SLC9A8: variants seen among roughly 807,000 people sequenced by gnomAD.
SLC9A8 encodes the protein solute carrier family 9 member A8.
In SLC9A8, 48 loss-of-function variants were observed where a neutral mutation model predicts 66.6. The ratio of observed to expected loss-of-function variants is 0.72; its 90% CI spans 0.57 to 0.92. The LOEUF (loss-of-function observed/expected upper bound fraction) is 0.92, where lower values mean the gene tolerates loss of function less well. SLC9A8 is among the 40% of genes least tolerant of loss of function. The pLI is 0.00. For missense variants in SLC9A8, 599 were observed against 747.3 expected, an observed-to-expected ratio of 0.80 and a Z score of 2.31; for synonymous variants, 274 against 282.6, an observed-to-expected ratio of 0.97 and a Z score of 0.31.
chr20:49,849,466 G>T, intron 5 of SLC9A8, 113 bp from the exon 6 acceptor site: 1 of 772,978 alleles, frequency 1.3e-6, no homozygotes, highest in Non-Finnish European at 2.2e-6. Context: ...GTTGGGCAGT[G>T]GTGCCTTTTA....
At chr20:49,881,635 A>G (rs1171291250) in intron 13 of SLC9A8, among the ~76,000 whole-genome samples, 1 of 151,972 alleles carries the variant, frequency 6.6e-6, no homozygotes, top group African/African-American at 2.4e-5. Context: ...TAATCAAAGT[A>G]TTTTCCGTGT....
At position 49,850,850 on chromosome 20, in the gene SLC9A8, T is replaced by G. The variant is rs769515100; in HGVS notation, c.569+6T>G. 6.3e-7 allele frequency: 1 copy of G among 1,597,826 alleles called. No individual in the cohort carries two copies. The highest frequency in any genetic ancestry group is 1.1e-5 in the South Asian group (1 of 87,280). ...AAACTCAACATGACAGACAGGTAAATCCTTCATACTGTAACACCCATGCGA... is the reference window on the plus strand; with the variant it reads ...AAACTCAACATGACAGACAGGTAAAGCCTTCATACTGTAACACCCATGCGA... On this transcript the variant is annotated splice_donor_region_variant and intron_variant, in intron 7 of 15. Coordinates refer to ENST00000361573, the MANE Select transcript of SLC9A8 (RefSeq NM_015266.3).
intron 7 of SLC9A8, 122 bp from the exon 8 acceptor site, chr20:49,855,316 A>G (rs1428272836): frequency 2.0e-6 from 2 of 1,003,044 alleles, no homozygotes; most frequent in Non-Finnish European, 3.0e-6. Flanking sequence ...ACCTTCTGTA[A>G]TTAATTCAGC....
At chr20:49,829,289 G>C (rs944168409) in intron 3 of SLC9A8, 1 of 154,022 alleles carries the variant, frequency 6.5e-6, no homozygotes, top group Non-Finnish European at 1.4e-5. Flanking sequence ...GGAGGCCAAG[G>C]TGGGCGGATC....
At chr20:49,882,594 C>T (rs1458711782) in intron 13 of SLC9A8, among the ~76,000 whole-genome samples, 6 of 152,216 alleles carry the variant, frequency 3.9e-5, no homozygotes, top group East Asian at 1.9e-4. Context: ...AAGCTGTTCC[C>T]GCGAACCCAG....
At chr20:49,830,589 T>A in intron 3 of SLC9A8, 3 of 608,416 alleles carry the variant, frequency 4.9e-6, no homozygotes, top group Non-Finnish European at 8.9e-6. Flanking sequence ...AGCTCCCATC[T>A]CAGGGAATCA....
In SLC9A8 at chr20:49,888,133, A is replaced by T; in HGVS notation, c.*197A>T. Reference sequence around the variant, plus strand: ...CTGGAGCCAGGCGACTTCTTGGGAAACTGTCATCTCCCGACTCCTCCCTGA... The same window carrying T: ...CTGGAGCCAGGCGACTTCTTGGGAATCTGTCATCTCCCGACTCCTCCCTGA... On this transcript the variant is annotated 3_prime_UTR_variant, in exon 16 of 16. Transcript: ENST00000361573. The T allele has an allele frequency of 1.9e-6, 1 of 519,152 alleles. No individual in the cohort carries two copies. The highest frequency in any genetic ancestry group is 3.5e-6 in the Non-Finnish European group (1 of 286,894). The allele number at this position is 519,152 out of a possible 1,614,324, so 32.2% of individuals were successfully genotyped here.
chr20:49,842,050 T>C (rs1474305223), intron 4 of SLC9A8, among the ~76,000 whole-genome samples: 4 of 144,700 alleles, frequency 2.8e-5, no homozygotes, highest in Non-Finnish European at 6.1e-5. Flanking sequence ...ATTTATTTTA[T>C]TTTATTTTAT....
chr20:49,884,219 C>T, intron 14 of SLC9A8, 153 bp downstream of exon 14: 1 of 328,100 alleles, frequency 3.0e-6, no homozygotes, highest in Non-Finnish European at 5.5e-6. Context: ...CACACACACA[C>T]ACACACACAC....
intron 14 of SLC9A8, among the ~76,000 whole-genome samples, chr20:49,884,907 T>C (rs2089834340): frequency 6.6e-6 from 1 of 152,254 alleles, no homozygotes; most frequent in Non-Finnish European, 1.5e-5. Flanking sequence ...CATCCCCTGC[T>C]GATCACCATG....
intron 8 of SLC9A8, among the ~76,000 whole-genome samples, chr20:49,859,218 A>G (rs546851010): frequency 1.8e-4 from 27 of 152,354 alleles, no homozygotes; most frequent in African/African-American, 5.8e-4. Flanking sequence ...GTCATCTGCC[A>G]TCAGCATTTG....
chr20:49,884,263 C>CACG (rs2089773876), intron 14 of SLC9A8, 197 bp downstream of exon 14: 5 of 341,170 alleles, frequency 1.5e-5, no homozygotes, highest in African/African-American at 8.1e-5. Flanking sequence ...ACACACGACA[C>CACG]ACACACACAC....
intron 12 of SLC9A8, among the ~76,000 whole-genome samples, chr20:49,878,864 A>G (rs1388088081): frequency 1.3e-5 from 2 of 152,138 alleles, no homozygotes; most frequent in Non-Finnish European, 2.9e-5. Context: ...CTAAAAATAC[A>G]AAATTAGCCG....
At chr20:49,838,878 C>T (rs1040060778) in intron 3 of SLC9A8, among the ~76,000 whole-genome samples, 1 of 152,098 alleles carries the variant, frequency 6.6e-6, no homozygotes, top group Admixed American at 6.6e-5. Context: ...CATGGTGATT[C>T]TGGTGAACCA....
intron 1 of SLC9A8, among the ~76,000 whole-genome samples, chr20:49,813,716 C>T (rs951102912): frequency 1.3e-5 from 2 of 152,130 alleles, no homozygotes; most frequent in Non-Finnish European, 2.9e-5. Context: ...GGAGTCCACT[C>T]AGGAAAAAGT....
chr20:49,876,464 T>G (rs527628006), intron 11 of SLC9A8, among the ~76,000 whole-genome samples: 1 of 152,332 alleles, frequency 6.6e-6, no homozygotes, highest in Non-Finnish European at 1.5e-5. Flanking sequence ...ACGTGCTCTT[T>G]GGCCCAACAG....
intron 7 of SLC9A8, among the ~76,000 whole-genome samples, chr20:49,853,329 T>G (rs975328687): frequency 6.6e-6 from 1 of 152,172 alleles, no homozygotes; most frequent in African/African-American, 2.4e-5. Context: ...TGTGTAGAGA[T>G]AGGGTTCTCT....
intron 14 of SLC9A8, 197 bp downstream of exon 14, chr20:49,884,263 C>CG (rs2089773689): frequency 2.3e-5 from 8 of 341,180 alleles, no homozygotes; most frequent in African/African-American, 8.1e-5. Flanking sequence ...ACACACGACA[C>CG]ACACACACAC....
chr20:49,846,924 AAAAT>A (rs1356969717), intron 5 of SLC9A8, among the ~76,000 whole-genome samples: 6 of 152,204 alleles, frequency 3.9e-5, no homozygotes, highest in Non-Finnish European at 8.8e-5. Context: ...CTTTGTCTCA[AAAAT>A]AAATAAATAA....
Sources: allele counts gnomAD v4.1 joint callset (sites outside exome capture counted in the v4.1 genomes callset), GRCh38; gene constraint gnomAD v4.1.1; transcripts MANE v1.5; gene names NCBI Gene and HGNC (gene_info 2026-07-23, HGNC 2026-07-21).